Variants in CSNK1A1 observed in about 807,000 individuals in gnomAD.
CSNK1A1 encodes casein kinase 1 alpha 1.
In CSNK1A1, 7 loss-of-function variants were observed where a neutral mutation model predicts 46.1. The observed-to-expected ratio is 0.15, with a 90% confidence interval of 0.09 to 0.29. CSNK1A1 has a LOEUF of 0.29. Among genes scored for constraint, CSNK1A1 ranks in the 10% least tolerant of loss-of-function variants. The pLI, the probability that CSNK1A1 is intolerant of heterozygous loss-of-function variation, is 1.00. For missense variants in CSNK1A1, 96 were observed against 417.1 expected, an observed-to-expected ratio of 0.23 and a Z score of 6.71; for synonymous variants, 137 against 141.5, an observed-to-expected ratio of 0.97 and a Z score of 0.23.
rs1211202991 is a variant in CSNK1A1, at chr5:149,532,232, T to C, written c.231-7061A>G. ...ATAGGAGCAGGTCTAATAAATGCTA[T>C]AATTTTGATGTAGTAATGAGTGTAA... On this transcript the variant is annotated intron_variant, in intron 2 of 9. Coordinates refer to ENST00000377843, the MANE Select transcript of CSNK1A1 (RefSeq NM_001892.6). 3.9e-5 allele frequency among the ~76,000 whole-genome samples: 6 copies of C among 152,112 alleles called. No individual in the cohort carries two copies. The East Asian group carries it at 7.7e-4, about 20-fold the overall frequency.
At chr5:149,549,146 T>A (rs1476955206) in intron 2 of CSNK1A1, among the ~76,000 whole-genome samples, 1 of 152,216 alleles carries the variant, frequency 6.6e-6, no homozygotes, top group African/African-American at 2.4e-5. Context: ...ATGTGAAGAT[T>A]TACTGACAAA....
rs1308872073 is a variant in CSNK1A1 at position 149,550,633 on chromosome 5, G to A, written c.123+209C>T. Among the ~76,000 whole-genome samples the A allele has an allele frequency of 6.6e-6, 1 of 151,958 alleles. No homozygotes were observed. The highest frequency in any genetic ancestry group is 1.5e-5 in the Non-Finnish European group (1 of 67,990). On this transcript the variant is annotated intron_variant, in intron 1 of 9. Transcript: ENST00000377843. This position sits in a 1 kb window ranked among gnomAD's most constrained non-coding sequence, Gnocchi z 4.3. ...TTATGGGACGTGTTTAACAAGGTGG[G>A]AAACTAGTTCCCCCAACCTTTCTAT...
At chr5:149,524,197 T>C (rs924682623) in intron 3 of CSNK1A1, among the ~76,000 whole-genome samples, 1 of 152,180 alleles carries the variant, frequency 6.6e-6, no homozygotes, top group Non-Finnish European at 1.5e-5. Context: ...TTCCTTTTTA[T>C]GTGATAGGCA....
intron 4 of CSNK1A1, among the ~76,000 whole-genome samples, chr5:149,515,004 C>T (rs1428599259): frequency 1.3e-5 from 2 of 152,060 alleles, no homozygotes; most frequent in African/African-American, 4.8e-5. Context: ...GATATGAAAA[C>T]CAGATCAGTA....
In CSNK1A1 at chr5:149,495,542, C is replaced by T. The variant is rs1760628368; in HGVS notation, c.*1311G>A. 1 of 152,080 alleles carries T rather than the reference C, an allele frequency of 6.6e-6. No homozygotes were observed. Among genetic ancestry groups the T allele is most frequent in the South Asian group, 2.1e-4 (1 of 4,832 alleles). 9.4% of individuals were successfully genotyped at this position (152,080 alleles called of 1,614,324 possible). A position where few individuals can be genotyped will look rare whatever the true frequency, so the allele number is the denominator to read the frequency against. Reference sequence around the variant, plus strand: ...CTGGGGAGGGTCAACAATCACTGAACCTCACACAGTGTGATGCTCTCCAAG... The same window carrying T: ...CTGGGGAGGGTCAACAATCACTGAATCTCACACAGTGTGATGCTCTCCAAG... On this transcript the variant is annotated 3_prime_UTR_variant, in exon 10 of 10. Transcript: ENST00000377843.
chr5:149,505,728 T>C, intron 8 of CSNK1A1, 133 bp from the exon 9 acceptor site: 2 of 692,198 alleles, frequency 2.9e-6, no homozygotes, highest in South Asian at 4.7e-5. Context: ...GCTTCTAAAA[T>C]ATTTCTTATT....
chr5:149,540,229 G>A (rs1762185908), intron 2 of CSNK1A1, among the ~76,000 whole-genome samples: 1 of 152,092 alleles, frequency 6.6e-6, no homozygotes, highest in Admixed American at 6.5e-5. Context: ...CTATTAATAG[G>A]TTCAAATCTA....
At chr5:149,508,899 GTTTA>G (rs1171454684) in intron 7 of CSNK1A1, among the ~76,000 whole-genome samples, 5 of 152,154 alleles carry the variant, frequency 3.3e-5, no homozygotes, top group Admixed American at 1.3e-4. Context: ...TACTTAAAAC[GTTTA>G]TTTAACTTAT....
chr5:149,501,699 T>G (rs2113054368), intron 9 of CSNK1A1: 1 of 985,436 alleles, frequency 1.0e-6, no homozygotes, highest in Non-Finnish European at 1.2e-6. Flanking sequence ...AATCCACCTT[T>G]GGGTTCACTA....
intron 2 of CSNK1A1, chr5:149,545,512 A>T (rs2113199708): frequency 1.6e-6 from 1 of 633,392 alleles, no homozygotes; most frequent in Non-Finnish European, 2.9e-6. Context: ...CCCCTTGGCA[A>T]TGCGGACACA....
chr5:149,548,529 T>C (rs1762551246), intron 2 of CSNK1A1, among the ~76,000 whole-genome samples: 1 of 151,222 alleles, frequency 6.6e-6, no homozygotes, highest in South Asian at 2.1e-4. Context: ...GTTGCGCCAC[T>C]GCACTCTAGC....
chr5:149,498,783 G>GAA (rs144871797), intron 9 of CSNK1A1: 16,396 of 985,262 alleles, frequency 0.017, 244 homozygotes, highest in East Asian at 0.085. Context: ...CTTTCAAAGG[G>GAA]AAAACCACCA....
At chr5:149,497,034 T>C in intron 9 of CSNK1A1, 174 bp from the exon 10 acceptor site, 1 of 1,421,608 alleles carries the variant, frequency 7.0e-7, no homozygotes, top group East Asian at 2.6e-5. Context: ...CATGAATCTA[T>C]ACTTAAAACT....
chr5:149,542,573 T>C, intron 2 of CSNK1A1, among the ~76,000 whole-genome samples: 1 of 106,234 alleles, frequency 9.4e-6, no homozygotes, highest in African/African-American at 3.5e-5. Context: ...AAGCATTTAC[T>C]CCGAAATGAG....
At chr5:149,521,014 T>C (rs773341295) in intron 3 of CSNK1A1, among the ~76,000 whole-genome samples, 1 of 152,230 alleles carries the variant, frequency 6.6e-6, no homozygotes, top group Non-Finnish European at 1.5e-5. Context: ...TCCTTTTTAA[T>C]GGCTACAAAT....
intron 2 of CSNK1A1, among the ~76,000 whole-genome samples, chr5:149,546,235 T>C (rs1315433494): frequency 6.6e-6 from 1 of 152,036 alleles, no homozygotes; most frequent in Non-Finnish European, 1.5e-5. Flanking sequence ...GCTATGCTTC[T>C]TAACAATAGG....
chr5:149,502,613 A>G lies in CSNK1A1; in HGVS notation c.1006+2834T>C, dbSNP rs1487122029. ...AGTCTAGAACTCCTAGGGTCAAGCA[A>G]TTCTCCCACCTCAGCCTCCCAAATG... On this transcript the variant is annotated intron_variant, in intron 9 of 9. Transcript: ENST00000377843. The G allele has an allele frequency of 7.7e-6, 7 of 909,940 alleles. No individual in the cohort carries two copies. The African/African-American group carries it at 1.1e-4, about 14-fold the overall frequency. 56.4% of individuals were successfully genotyped at this position (909,940 alleles called of 1,614,324 possible). A position where few individuals can be genotyped will look rare whatever the true frequency, so the allele number is the denominator to read the frequency against.
At position 149,496,262 on chromosome 5, in the gene CSNK1A1, G is replaced by C. The variant is rs1760651117; in HGVS notation, c.*591C>G. The C allele has an allele frequency of 6.6e-6, 1 of 152,614 alleles. No individual in the cohort carries two copies. The highest frequency in any genetic ancestry group is 2.1e-4 in the South Asian group (1 of 4,822). 9.5% of individuals were successfully genotyped at this position (152,614 alleles called of 1,614,324 possible). ...TTCACTTTAGATGCTGTTATTTCTA[G>C]CACAATTAAGCAGGCAGAGTCTTTC... On this transcript the variant is annotated 3_prime_UTR_variant, in exon 10 of 10. Transcript: ENST00000377843.
chr5:149,497,685 ACACCCACTCTGAGG>A, intron 9 of CSNK1A1: 1 of 985,484 alleles, frequency 1.0e-6, no homozygotes, highest in Non-Finnish European at 1.2e-6. Flanking sequence ...CTCTCACCAG[ACACCCACTCTGAGG>A]CACCAATGCT....
Sources: allele counts gnomAD v4.1 joint callset (sites outside exome capture counted in the v4.1 genomes callset), GRCh38; gene constraint gnomAD v4.1.1; non-coding constraint Gnocchi (gnomAD v3.1); transcripts MANE v1.5; gene names NCBI Gene and HGNC (gene_info 2026-07-23, HGNC 2026-07-21).